The following DMD variants were observed in gnomAD, a reference collection of about 807,000 sequenced individuals.
DMD encodes mutant dystrophin.
DMD carries 63 observed loss-of-function variants against 330.1 expected under a neutral mutation model. The ratio of observed to expected loss-of-function variants is 0.19; its 90% CI spans 0.16 to 0.24. The LOEUF is 0.24. DMD is among the 10% of genes least tolerant of loss of function. The pLI is 1.00. For synonymous variants in DMD, 1,223 were observed against 959.8 expected, an observed-to-expected ratio of 1.27 and a Z score of -5.07; for missense variants, 3,344 against 2,684.1, an observed-to-expected ratio of 1.25 and a Z score of -5.43.
At chrX:32,308,591 T>C (rs1038047061) in intron 42 of DMD, among the ~76,000 whole-genome samples, 7 of 111,078 alleles carry the variant, frequency 6.3e-5, no homozygotes, top group Non-Finnish European at 9.5e-5. Flanking sequence ...ACCATTTAGC[T>C]AAATTAAATC....
intron 53 of DMD, among the ~76,000 whole-genome samples, chrX:31,664,223 CAGG>C (rs918884642): frequency 9.0e-6 from 1 of 111,312 alleles, no homozygotes; most frequent in African/African-American, 3.3e-5. Context: ...CTACTCATCT[CAGG>C]AGGAGAATGA....
At chrX:31,631,268 G>A (rs1436805826) in intron 54 of DMD, among the ~76,000 whole-genome samples, 1 of 110,219 alleles carries the variant, frequency 9.1e-6, no homozygotes, top group African/African-American at 3.3e-5. Context: ...TGGGCTGCCC[G>A]GACCCCTTTT....
At chrX:31,547,446 C>G (rs2074208421) in intron 55 of DMD, among the ~76,000 whole-genome samples, 1 of 112,113 alleles carries the variant, frequency 8.9e-6, no homozygotes, top group Non-Finnish European at 1.9e-5. Context: ...GAATTAGGCT[C>G]TAAAAACAAA....
At chrX:33,156,962 C>G (rs999512648) in intron 1 of DMD, among the ~76,000 whole-genome samples, 5 of 111,488 alleles carry the variant, frequency 4.5e-5, no homozygotes, top group Non-Finnish European at 9.4e-5. Context: ...ATGCATTATA[C>G]GATAAAAGAT....
intron 1 of DMD, among the ~76,000 whole-genome samples, chrX:33,102,512 T>C (rs2095249649): frequency 9.0e-6 from 1 of 111,343 alleles, no homozygotes; most frequent in Admixed American, 9.6e-5. Context: ...AAATAACTTC[T>C]TAGAAATGGA....
intron 52 of DMD, among the ~76,000 whole-genome samples, chrX:31,719,658 T>C (rs1334756568): frequency 9.0e-6 from 1 of 111,347 alleles, no homozygotes; most frequent in African/African-American, 3.3e-5. Context: ...GGGCAAAGAG[T>C]ATGATTGACA....
Position 32,279,003 on chromosome X carries a change from G to A in DMD, c.6290+8526C>T, listed in dbSNP as rs761037639. The stretch of plus-strand genomic sequence containing the variant: ...TAATTAGATCAGAAAATAGACAAAA[G>A]ATTCGAATAGGCATTTCTCAAAAGA... On this transcript the variant is annotated intron_variant, in intron 43 of 78. Coordinates refer to ENST00000357033, the MANE Select transcript of DMD (RefSeq NM_004006.3). Among the ~76,000 whole-genome samples, 6 of 111,888 alleles carry A rather than the reference G, an allele frequency of 5.4e-5. 1 individual carries two copies. In the East Asian group the frequency reaches 1.7e-3, roughly 32 times the overall value.
At chrX:32,754,662 G>A (rs939974648) in intron 7 of DMD, among the ~76,000 whole-genome samples, 1 of 111,331 alleles carries the variant, frequency 9.0e-6, no homozygotes, top group Non-Finnish European at 1.9e-5. Flanking sequence ...AGATGAATGA[G>A]TCAATAACAA....
chrX:31,240,095 G>A (rs1159717510), intron 63 of DMD, among the ~76,000 whole-genome samples: 1 of 111,279 alleles, frequency 9.0e-6, no homozygotes, highest in Non-Finnish European at 1.9e-5. Context: ...AGATGCTGAT[G>A]TTAAACTTCG....
At chrX:31,697,376 T>C (rs1052954874) in intron 52 of DMD, among the ~76,000 whole-genome samples, 1 of 111,355 alleles carries the variant, frequency 9.0e-6, no homozygotes, top group Admixed American at 9.5e-5. Flanking sequence ...TTTTTTTTTC[T>C]CACAAAGGTC....
intron 39 of DMD, among the ~76,000 whole-genome samples, chrX:32,344,234 T>A (rs1045273656): frequency 8.9e-6 from 1 of 111,892 alleles, no homozygotes; most frequent in Non-Finnish European, 1.9e-5. Context: ...CAGGTTTAAT[T>A]CGAGCGAAAA....
chrX:32,397,250 T>C (rs1029491654), intron 30 of DMD, among the ~76,000 whole-genome samples: 1 of 111,484 alleles, frequency 9.0e-6, no homozygotes, highest in African/African-American at 3.2e-5. Flanking sequence ...TAGGGGGATA[T>C]GGATAGTAAG....
At chrX:33,050,273 T>C (rs1362278717) in intron 1 of DMD, among the ~76,000 whole-genome samples, 3 of 111,877 alleles carry the variant, frequency 2.7e-5, no homozygotes, top group Non-Finnish European at 3.8e-5. Context: ...TTCTCTATGC[T>C]GCCTTGCTTT....
At chrX:32,077,292 A>G (rs2096360078) in intron 44 of DMD, among the ~76,000 whole-genome samples, 1 of 110,741 alleles carries the variant, frequency 9.0e-6, no homozygotes, top group Admixed American at 9.6e-5. Context: ...ATGCTTTTCT[A>G]CTGAAGTATA....
intron 53 of DMD, among the ~76,000 whole-genome samples, chrX:31,672,920 T>C (rs1349583929): frequency 8.9e-6 from 1 of 112,317 alleles, no homozygotes; most frequent in Non-Finnish European, 1.9e-5. Context: ...CTTAGGAACC[T>C]GTTATGTTAA....
chrX:32,161,838 C>T (rs1214852500), intron 44 of DMD, among the ~76,000 whole-genome samples: 1 of 112,000 alleles, frequency 8.9e-6, no homozygotes, highest in Non-Finnish European at 1.9e-5. Context: ...TACACCCTAG[C>T]TGTCAGAACC....
chrX:32,756,574 A>G (rs1354317550), intron 7 of DMD, among the ~76,000 whole-genome samples: 1 of 111,120 alleles, frequency 9.0e-6, no homozygotes, highest in East Asian at 2.8e-4. Flanking sequence ...AGTCATCAGG[A>G]AAAAAATACA....
chrX:31,184,491 T>C (rs1602472603), intron 67 of DMD, among the ~76,000 whole-genome samples: 1 of 89,489 alleles, frequency 1.1e-5, no homozygotes, highest in African/African-American at 4.3e-5. Context: ...TGTGGAGAAA[T>C]AGGAACACTT....
At chrX:31,510,628 C>T (rs2071416054) in intron 55 of DMD, among the ~76,000 whole-genome samples, 1 of 108,292 alleles carries the variant, frequency 9.2e-6, no homozygotes, top group Non-Finnish European at 1.9e-5. Flanking sequence ...CTGCCTCAGC[C>T]TCCCAAGTAG....
Sources: gnomAD v4.1 joint callset for allele counts (sites outside exome capture counted in the v4.1 genomes callset) on GRCh38, gnomAD v4.1.1 for gene constraint, MANE v1.5 for transcripts, NCBI Gene and HGNC (gene_info 2026-07-23, HGNC 2026-07-21) for gene names.